Variants in PCDHA3 observed in about 807,000 individuals in gnomAD.
PCDHA3 encodes protocadherin alpha 3.
A neutral mutation model predicts 62.2 loss-of-function variants in PCDHA3; 41 were observed. The ratio of observed to expected loss-of-function variants is 0.66; its 90% CI spans 0.51 to 0.86. PCDHA3 has a LOEUF of 0.86. PCDHA3 is among the 40% of genes least tolerant of loss of function. The pLI is 0.00. For missense variants in PCDHA3, 1,304 were observed against 1,241.2 expected, an observed-to-expected ratio of 1.05 and a Z score of -0.76; for synonymous variants, 640 against 555.4, an observed-to-expected ratio of 1.15 and a Z score of -2.14.
chr5:140,887,201 A>G (rs1331832646), intron 1 of PCDHA3, among the ~76,000 whole-genome samples: 1 of 150,710 alleles, frequency 6.6e-6, no homozygotes, highest in Non-Finnish European at 1.5e-5. Context: ...GGTTCACGCC[A>G]TTCTCCTGCC....
In PCDHA3 at chr5:140,843,826, A is replaced by G. The variant is rs2150366949; in HGVS notation, c.2394+40235A>G. ...CGTATTTTATAGTGAAAATTTAAAC[A>G]TTGTTTAGTTTTTAGAAACCTTTTA... On this transcript the variant is annotated intron_variant, in intron 1 of 3. Coordinates refer to ENST00000522353, the MANE Select transcript of PCDHA3 (RefSeq NM_018906.3). 117 of 1,185,698 alleles carry G rather than the reference A, an allele frequency of 9.9e-5. 4 individuals carry two copies. The African/African-American group carries it at 1.7e-3, about 17-fold the overall frequency. 73.4% of individuals were successfully genotyped at this position (1,185,698 alleles called of 1,614,324 possible). A position where few individuals can be genotyped will look rare whatever the true frequency, so the allele number is the denominator to read the frequency against.
At chr5:141,009,551 C>G (rs551736337) in intron 3 of PCDHA3, 76 bp from the exon 4 acceptor site, 1 of 1,561,992 alleles carries the variant, frequency 6.4e-7, no homozygotes, top group East Asian at 2.2e-5. Flanking sequence ...ATGCAGTACT[C>G]CTGTACTCTA....
chr5:140,896,194 T>G (rs2065426928), intron 1 of PCDHA3, among the ~76,000 whole-genome samples: 2 of 152,244 alleles, frequency 1.3e-5, no homozygotes, highest in Middle Eastern at 3.2e-3. Flanking sequence ...AATAGTGCCA[T>G]GATGAACATA....
At position 140,879,168 on chromosome 5, in the gene PCDHA3, A is replaced by G. The variant is rs2057882676; in HGVS notation, c.2394+75577A>G. Among the ~76,000 whole-genome samples, 5 of 152,334 alleles carry G rather than the reference A, an allele frequency of 3.3e-5. 1 individual carries two copies. Among genetic ancestry groups the G allele is most frequent in the Admixed American group, 6.5e-5 (1 of 15,308 alleles). On this transcript the variant is annotated intron_variant, in intron 1 of 3. Coordinates refer to ENST00000522353, the MANE Select transcript of PCDHA3 (RefSeq NM_018906.3). ...AGGAAAGCTATTTCTTTTTTAATAAATTAGGTATCAAGTAATGGAGACTTA... is the reference window on the plus strand; with the variant it reads ...AGGAAAGCTATTTCTTTTTTAATAAGTTAGGTATCAAGTAATGGAGACTTA...
chr5:140,866,808 G>C (rs995846650), intron 1 of PCDHA3: 1 of 152,114 alleles, frequency 6.6e-6, no homozygotes, highest in East Asian at 1.9e-4. Context: ...CAGGCACAAA[G>C]TTCCTTAATC....
chr5:140,882,072 T>A (rs1340000642), intron 1 of PCDHA3: 5 of 861,462 alleles, frequency 5.8e-6, no homozygotes, highest in Non-Finnish European at 7.0e-6. Flanking sequence ...TTCATGCGCA[T>A]GGTGTCGCTC....
At chr5:140,853,462 C>T (rs1386923717) in intron 1 of PCDHA3, 1 of 971,854 alleles carries the variant, frequency 1.0e-6, no homozygotes, top group African/African-American at 1.8e-5. Context: ...TCCTTATATG[C>T]ATCTGTAGTT....
intron 1 of PCDHA3, among the ~76,000 whole-genome samples, chr5:140,893,581 T>C (rs1224207477): frequency 1.3e-5 from 2 of 152,216 alleles, no homozygotes; most frequent in African/African-American, 4.8e-5. Context: ...TTTTTGCTTG[T>C]TTGGGAAATA....
intron 1 of PCDHA3, among the ~76,000 whole-genome samples, chr5:140,888,289 C>T (rs543077496): frequency 1.3e-5 from 2 of 152,246 alleles, no homozygotes; most frequent in Admixed American, 1.3e-4. Flanking sequence ...CCTCTACCCC[C>T]TACCCAGGAG....
intron 1 of PCDHA3, among the ~76,000 whole-genome samples, chr5:140,974,689 T>A (rs2153804618): frequency 1.3e-5 from 2 of 152,208 alleles, no homozygotes; most frequent in South Asian, 4.1e-4. Flanking sequence ...TTTTGTATTT[T>A]TGGGTTTCAC....
At chr5:140,991,078 A>T (rs1378051907) in intron 3 of PCDHA3, among the ~76,000 whole-genome samples, 1 of 152,188 alleles carries the variant, frequency 6.6e-6, no homozygotes, top group Non-Finnish European at 1.5e-5. Context: ...TGTTTCAGAT[A>T]AAAAAATTAA....
chr5:140,803,881 A>G, intron 1 of PCDHA3: 1 of 549,676 alleles, frequency 1.8e-6, no homozygotes, highest in Non-Finnish European at 3.2e-6. Context: ...ATTTTTTCTT[A>G]GATGAATTGC....
At chr5:140,821,613 A>G in intron 1 of PCDHA3, 1 of 802,296 alleles carries the variant, frequency 1.2e-6, no homozygotes. Flanking sequence ...TACAGTGAGT[A>G]GATTTTCCTT....
chr5:140,901,100 C>G (rs1172808892), intron 1 of PCDHA3, among the ~76,000 whole-genome samples: 1 of 152,002 alleles, frequency 6.6e-6, no homozygotes, highest in East Asian at 1.9e-4. Flanking sequence ...CTTCTACATT[C>G]TGGTTATTCA....
chr5:140,976,023 A>C (rs907977893), intron 1 of PCDHA3, among the ~76,000 whole-genome samples: 1 of 152,206 alleles, frequency 6.6e-6, no homozygotes, highest in Non-Finnish European at 1.5e-5. Flanking sequence ...AAATAATCAC[A>C]GTTATTTCAA....
chr5:140,807,579 C>G (rs1355762346), intron 1 of PCDHA3: 8 of 1,614,162 alleles, frequency 5.0e-6, no homozygotes, highest in South Asian at 4.4e-5. Flanking sequence ...GATAACCCGC[C>G]GGTGTTCCCA....
intron 1 of PCDHA3, chr5:140,841,464 T>C (rs2150316083): frequency 2.1e-5 from 34 of 1,612,868 alleles, no homozygotes; most frequent in Admixed American, 3.3e-5. Flanking sequence ...GTGGGCCGGA[T>C]CGCGCAGGAC....
At chr5:140,848,492 T>C (rs1781549856) in intron 1 of PCDHA3, 2 of 1,575,612 alleles carry the variant, frequency 1.3e-6, no homozygotes, top group South Asian at 2.3e-5. Flanking sequence ...ACTGAGTATT[T>C]GAAATGTTAT....
Position 140,802,373 on chromosome 5 carries a change from C to T in PCDHA3, c.1176C>T (p.His392=). ...NGQVTCSLTP[H]VPFKLVSTFK... Reference sequence around the variant, plus strand: ...AGGTCACCTGCTCGCTGACGCCCCACGTCCCCTTCAAGCTGGTGTCCACCT... The same window carrying T: ...AGGTCACCTGCTCGCTGACGCCCCATGTCCCCTTCAAGCTGGTGTCCACCT... Residue 392 remains histidine, a synonymous_variant, in exon 1 of 4, where the codon CAC becomes CAT. Transcript: ENST00000522353. The T allele has an allele frequency of 3.1e-6, 5 of 1,614,264 alleles. No individual in the cohort carries two copies. The highest frequency in any genetic ancestry group is 3.4e-6 in the Non-Finnish European group (4 of 1,180,048).
Sources: gnomAD v4.1 joint callset for allele counts (sites outside exome capture counted in the v4.1 genomes callset) on GRCh38, gnomAD v4.1.1 for gene constraint, MANE v1.5 for transcripts, NCBI Gene and HGNC (gene_info 2026-07-23, HGNC 2026-07-21) for gene names.